CCSER1: variants seen among roughly 807,000 people sequenced by gnomAD.
CCSER1 encodes the protein serine-rich coiled-coil domain-containing protein 1.
In CCSER1, 41 loss-of-function variants were observed where a neutral mutation model predicts 82.0. The ratio of observed to expected loss-of-function variants is 0.50; its 90% CI spans 0.39 to 0.65. The LOEUF (loss-of-function observed/expected upper bound fraction) is 0.65. CCSER1 is among the 30% of genes least tolerant of loss of function. The pLI is 0.00. For synonymous variants in CCSER1, 414 were observed against 383.9 expected (o/e 1.08, Z -0.92); for missense variants, 1,119 against 1,064.2 (o/e 1.05, Z -0.72).
At chr4:90,549,019 G>GATTGAAT (rs1777136237) in intron 5 of CCSER1, among the ~76,000 whole-genome samples, 2 of 151,988 alleles carry the variant, frequency 1.3e-5, no homozygotes, top group African/African-American at 4.8e-5. Flanking sequence ...ACAGTCTTAG[G>GATTGAAT]AACACACTTT....
intron 8 of CCSER1, among the ~76,000 whole-genome samples, chr4:90,858,562 A>G (rs1764716651): frequency 6.6e-6 from 1 of 151,978 alleles, no homozygotes; most frequent in South Asian, 2.1e-4. Context: ...TGCCTGTGGT[A>G]TTTCAATTAT....
chr4:91,438,869 G>A (rs1035827226), intron 10 of CCSER1, among the ~76,000 whole-genome samples: 4 of 152,182 alleles, frequency 2.6e-5, no homozygotes, highest in African/African-American at 9.7e-5. Flanking sequence ...TCAACTGGAA[G>A]AAAGGGTATC....
At chr4:90,451,120 T>G (rs1761395023) in intron 4 of CCSER1, among the ~76,000 whole-genome samples, 1 of 152,192 alleles carries the variant, frequency 6.6e-6, no homozygotes, top group South Asian at 2.1e-4. Context: ...AAGATAGTAT[T>G]GTATGCTTAT....
intron 7 of CCSER1, among the ~76,000 whole-genome samples, chr4:90,737,769 G>C (rs1164967551): frequency 6.8e-6 from 1 of 148,040 alleles, no homozygotes; most frequent in East Asian, 2.1e-4. Flanking sequence ...TCTAGATTTT[G>C]TAGGTGTGCT....
At chr4:91,086,331 G>T (rs1302959707) in intron 10 of CCSER1, among the ~76,000 whole-genome samples, 1 of 152,048 alleles carries the variant, frequency 6.6e-6, no homozygotes, top group African/African-American at 2.4e-5. Flanking sequence ...GACTTACTGA[G>T]AAGTTAACAA....
At chr4:91,004,167 C>T (rs1738297206) in intron 9 of CCSER1, among the ~76,000 whole-genome samples, 3 of 152,146 alleles carry the variant, frequency 2.0e-5, no homozygotes, top group Admixed American at 2.0e-4. Context: ...GGTTCTAGAG[C>T]AAAACGTCAC....
chr4:90,826,871 T>C (rs1260058977), intron 8 of CCSER1, among the ~76,000 whole-genome samples: 1 of 152,232 alleles, frequency 6.6e-6, no homozygotes, highest in Non-Finnish European at 1.5e-5. Flanking sequence ...CATCTGGTAG[T>C]AGCAGTCAGA....
chr4:90,588,850 G>A (rs141272517), intron 5 of CCSER1, among the ~76,000 whole-genome samples: 179 of 152,276 alleles, frequency 1.2e-3, no homozygotes, highest in African/African-American at 4.1e-3. Context: ...ATGATGGTGA[G>A]CTCTCCCAAG....
intron 7 of CCSER1, among the ~76,000 whole-genome samples, chr4:90,797,346 C>T (rs1218779431): frequency 1.3e-5 from 2 of 152,140 alleles, no homozygotes; most frequent in Non-Finnish European, 2.9e-5. Context: ...GATTTTTCTG[C>T]ATCCCTTTAT....
intron 5 of CCSER1, among the ~76,000 whole-genome samples, chr4:90,601,454 T>C (rs1784034891): frequency 6.6e-6 from 1 of 152,070 alleles, no homozygotes; most frequent in African/African-American, 2.4e-5. Context: ...CCGTGCCTCT[T>C]TCCCAACTAA....
At chr4:90,801,075 A>G (rs1433980826) in intron 7 of CCSER1, among the ~76,000 whole-genome samples, 1 of 152,172 alleles carries the variant, frequency 6.6e-6, no homozygotes, top group African/African-American at 2.4e-5. Context: ...AACAAAGAGG[A>G]CACTAACAAA....
chr4:90,258,736 C>T (rs112457936), intron 1 of CCSER1, among the ~76,000 whole-genome samples: 6,789 of 151,984 alleles, frequency 0.045, 393 homozygotes, highest in African/African-American at 0.13. Context: ...TTTTGGGGTA[C>T]AGGTGTTTTT....
intron 3 of CCSER1, among the ~76,000 whole-genome samples, chr4:90,386,860 G>A (rs983265732): frequency 4.6e-5 from 7 of 151,946 alleles, no homozygotes; most frequent in African/African-American, 7.3e-5. Context: ...AGACATTCTC[G>A]GCCCACCTAA....
At chr4:90,648,699 A>G (rs1197897234) in intron 6 of CCSER1, among the ~76,000 whole-genome samples, 1 of 152,216 alleles carries the variant, frequency 6.6e-6, no homozygotes, top group Non-Finnish European at 1.5e-5. Flanking sequence ...AGGAGAAACC[A>G]AACTTGCTGA....
chr4:90,724,408 G>A (rs1743263241), intron 7 of CCSER1, among the ~76,000 whole-genome samples: 1 of 151,814 alleles, frequency 6.6e-6, no homozygotes, highest in African/African-American at 2.4e-5. Context: ...TTTAAAATAA[G>A]AGTCAAAATC....
At chr4:91,356,032 C>T (rs1456879042) in intron 10 of CCSER1, among the ~76,000 whole-genome samples, 1 of 152,226 alleles carries the variant, frequency 6.6e-6, no homozygotes, top group Non-Finnish European at 1.5e-5. Flanking sequence ...AAAATCACCA[C>T]AGCATGGGGA....
chr4:90,138,705 T>G (rs1470206991), intron 1 of CCSER1, among the ~76,000 whole-genome samples: 5 of 152,204 alleles, frequency 3.3e-5, no homozygotes, highest in Admixed American at 3.3e-4. Flanking sequence ...TTCACTTTTT[T>G]TTTTTTAATT....
chr4:91,441,690 T>A (rs924142404), intron 10 of CCSER1, among the ~76,000 whole-genome samples: 1 of 152,150 alleles, frequency 6.6e-6, no homozygotes, highest in African/African-American at 2.4e-5. Flanking sequence ...TGTCCCTGTT[T>A]GCAGATGACA....
At chr4:90,533,159 T>G (rs1289471622) in intron 5 of CCSER1, among the ~76,000 whole-genome samples, 1 of 140,732 alleles carries the variant, frequency 7.1e-6, no homozygotes, top group Non-Finnish European at 1.5e-5. Context: ...CAGCGCGATC[T>G]CGGCTCACTG....
Sources: allele counts gnomAD v4.1 joint callset (sites outside exome capture counted in the v4.1 genomes callset), GRCh38; gene constraint gnomAD v4.1.1; transcripts MANE v1.5; gene names NCBI Gene and HGNC (gene_info 2026-07-23, HGNC 2026-07-21).